Variants in CCDC102B observed in about 807,000 individuals in gnomAD.
CCDC102B encodes coiled-coil domain-containing protein 102B.
In CCDC102B, 75 loss-of-function variants were observed where a neutral mutation model predicts 57.4. The observed-to-expected ratio is 1.31, with a 90% CI of 1.08 to 1.58. The LOEUF is 1.58. CCDC102B is among the 40% of genes most tolerant of loss of function. The pLI, the probability that CCDC102B is intolerant of heterozygous loss-of-function variation, is 0.00. For synonymous variants in CCDC102B, 206 were observed against 201.9 expected, an observed-to-expected ratio of 1.02 and a Z score of -0.17; for missense variants, 636 against 582.6, an observed-to-expected ratio of 1.09 and a Z score of -0.94.
At chr18:68,798,574 A>T (rs1417197710) in intron 1 of CCDC102B, 1 of 152,172 alleles carries the variant, frequency 6.6e-6, no homozygotes, top group African/African-American at 2.4e-5. Context: ...TTCTTACAGT[A>T]AAAAAGTAAA....
At chr18:68,933,427 A>C (rs2041745758) in intron 6 of CCDC102B, among the ~76,000 whole-genome samples, 1 of 151,874 alleles carries the variant, frequency 6.6e-6, no homozygotes, top group South Asian at 2.1e-4. Flanking sequence ...AAATGTAATA[A>C]TGGTTCTTTG....
At chr18:69,022,933 T>C (rs761003684) in intron 7 of CCDC102B, among the ~76,000 whole-genome samples, 1 of 150,930 alleles carries the variant, frequency 6.6e-6, no homozygotes, top group Non-Finnish European at 1.5e-5. Flanking sequence ...TCCTGTAAAG[T>C]AGATTACATC....
intron 2 of CCDC102B, among the ~76,000 whole-genome samples, chr18:68,782,286 A>G (rs994976267): frequency 3.3e-5 from 5 of 152,126 alleles, no homozygotes; most frequent in Non-Finnish European, 7.4e-5. Context: ...AAATCAACCT[A>G]TACACCTCTT....
chr18:68,953,355 CTTTTT>C (rs5825890), intron 6 of CCDC102B, among the ~76,000 whole-genome samples: 5 of 125,526 alleles, frequency 4.0e-5, no homozygotes, highest in Non-Finnish European at 6.5e-5. Context: ...CAATACTTGT[CTTTTT>C]TTTTTTTTTT....
chr18:68,866,202 C>G (rs1177334202), intron 4 of CCDC102B, among the ~76,000 whole-genome samples: 2 of 151,766 alleles, frequency 1.3e-5, no homozygotes, highest in Non-Finnish European at 2.9e-5. Flanking sequence ...GTAATTCATC[C>G]CAAAAGAAAC....
At chr18:68,849,937 T>A (rs915506218) in intron 4 of CCDC102B, among the ~76,000 whole-genome samples, 7 of 152,090 alleles carry the variant, frequency 4.6e-5, no homozygotes, top group Non-Finnish European at 7.4e-5. Context: ...CACTAGGCCA[T>A]CTGATCAGAG....
At chr18:68,954,401 C>T (rs1221515015) in intron 6 of CCDC102B, among the ~76,000 whole-genome samples, 2 of 152,110 alleles carry the variant, frequency 1.3e-5, no homozygotes, top group African/African-American at 4.8e-5. Context: ...GCCTGGGTGA[C>T]AGAGTGAGAC....
chr18:68,906,447 C>T (rs922000896), intron 6 of CCDC102B, among the ~76,000 whole-genome samples: 1 of 152,140 alleles, frequency 6.6e-6, no homozygotes, highest in African/African-American at 2.4e-5. Context: ...ACCAGCAATA[C>T]GTGAGGGTTT....
At chr18:68,817,535 G>T (rs2036532018) in intron 1 of CCDC102B, among the ~76,000 whole-genome samples, 1 of 152,224 alleles carries the variant, frequency 6.6e-6, no homozygotes, top group South Asian at 2.1e-4. Context: ...GATGAAGGAA[G>T]TGGTTAGGCT....
rs1821096 is a variant in CCDC102B at position 68,995,763 on chromosome 18, G to A, written c.1264-15171G>A. On this transcript the variant is annotated intron_variant, in intron 6 of 7. Transcript: ENST00000360242. ...GGTAAGAGCCCCCACACAGAGTCCC[G>A]ACTGGGAAACTCCCTAGTGGAGCTG... Among the ~76,000 whole-genome samples the A allele has an allele frequency of 3.0e-3, 450 of 152,166 alleles. 1 individual carries two copies. The highest frequency in any genetic ancestry group is 9.9e-3 in the African/African-American group (410 of 41,470).
At position 68,993,008 on chromosome 18, in the gene CCDC102B, G is replaced by A. The variant is rs2050915384; in HGVS notation, c.1264-17926G>A. ...TCCGCTTCTGAGCAAACTCGAAAAT[G>A]TGACCCTGTCTCCAGCTGTCTGGCA... On this transcript the variant is annotated intron_variant, in intron 6 of 7. Coordinates refer to ENST00000360242, the MANE Select transcript of CCDC102B (RefSeq NM_024781.3). 1.9e-5 allele frequency: 3 copies of A among 158,032 alleles called. No homozygotes were observed. The South Asian group carries it at 5.0e-4, about 26-fold the overall frequency. 9.8% of individuals were successfully genotyped at this position (158,032 alleles called of 1,614,324 possible).
intron 5 of CCDC102B, among the ~76,000 whole-genome samples, chr18:68,875,778 T>C (rs1367646275): frequency 6.6e-6 from 1 of 152,000 alleles, no homozygotes; most frequent in East Asian, 1.9e-4. Context: ...TTTTGGAAAA[T>C]GTATATACTG....
At chr18:68,819,910 A>T (rs12455610) in intron 1 of CCDC102B, among the ~76,000 whole-genome samples, 27,883 of 152,056 alleles carry the variant, frequency 0.18, 2,749 homozygotes, top group Non-Finnish European at 0.23. Flanking sequence ...AATACACATA[A>T]TTGTGTATAT....
At chr18:68,743,670 G>T (rs2033501826) in intron 2 of CCDC102B, among the ~76,000 whole-genome samples, 1 of 152,124 alleles carries the variant, frequency 6.6e-6, no homozygotes, top group African/African-American at 2.4e-5. Context: ...TGTCCTTTCA[G>T]ATACATGAAC....
At chr18:68,765,365 GAAAGAAAGAAAGAAA>G (rs2034423478) in intron 2 of CCDC102B, among the ~76,000 whole-genome samples, 1 of 118,776 alleles carries the variant, frequency 8.4e-6, no homozygotes, top group African/African-American at 3.1e-5. Context: ...AAGAAAGAAA[GAAAGAAAGAAAGAAA>G]AGAAAGAAAG....
chr18:68,918,033 A>C (rs55666736), intron 6 of CCDC102B, among the ~76,000 whole-genome samples: 5 of 151,722 alleles, frequency 3.3e-5, no homozygotes, highest in Non-Finnish European at 7.4e-5. Context: ...ACATGCAAAC[A>C]TGCACAGCCA....
Position 68,777,222 on chromosome 18 carries a change from C to T in CCDC102B, c.-66-46144C>T, listed in dbSNP as rs376415562. 2.0e-5 allele frequency among the ~76,000 whole-genome samples: 3 copies of T among 152,264 alleles called. No homozygotes were observed. In the South Asian group the frequency reaches 6.2e-4, roughly 32 times the overall value. ...CTCCCTTCAACACTCAATACAAGATCAAGACGTACACATGTCTTTGCTGTA... is the reference window on the plus strand; with the variant it reads ...CTCCCTTCAACACTCAATACAAGATTAAGACGTACACATGTCTTTGCTGTA... On this transcript the variant is annotated intron_variant, in intron 2 of 3. Coordinates refer to the CCDC102B transcript ENST00000578970.
chr18:68,741,876 A>G (rs143067147), intron 2 of CCDC102B, among the ~76,000 whole-genome samples: 1 of 152,278 alleles, frequency 6.6e-6, no homozygotes, highest in East Asian at 1.9e-4. Context: ...GAGTGTTCCC[A>G]TAGGTAGTTT....
At chr18:69,032,142 C>T (rs2052163675) in intron 7 of CCDC102B, among the ~76,000 whole-genome samples, 1 of 152,004 alleles carries the variant, frequency 6.6e-6, no homozygotes, top group Non-Finnish European at 1.5e-5. Flanking sequence ...TTTTTTGATG[C>T]TGAATTTCAT....
Sources: gnomAD v4.1 joint callset for allele counts (sites outside exome capture counted in the v4.1 genomes callset) on GRCh38, gnomAD v4.1.1 for gene constraint, MANE v1.5 for transcripts, NCBI Gene and HGNC (gene_info 2026-07-23, HGNC 2026-07-21) for gene names.